The following SRFBP1 variants were observed in gnomAD, a reference collection of about 807,000 sequenced individuals.
The protein encoded by SRFBP1 is serum response factor binding protein 1, also known as serum response factor-binding protein 1.
Under a neutral mutation model 45.5 loss-of-function variants are expected in SRFBP1, and 47 were observed. The ratio of observed to expected loss-of-function variants is 1.03; its 90% CI spans 0.82 to 1.32. The LOEUF (loss-of-function observed/expected upper bound fraction) is 1.32. Among genes scored for constraint, SRFBP1 ranks in the 40% most tolerant of loss-of-function variants. The pLI, the probability that SRFBP1 is intolerant of heterozygous loss-of-function variation, is 0.00. For synonymous variants in SRFBP1, 203 were observed against 166.3 expected, an observed-to-expected ratio of 1.22 and a Z score of -1.70; for missense variants, 621 against 484.6, an observed-to-expected ratio of 1.28 and a Z score of -2.64.
At chr5:122,016,840 A>G (rs946477187) in intron 4 of SRFBP1, among the ~76,000 whole-genome samples, 20 of 152,190 alleles carry the variant, frequency 1.3e-4, no homozygotes, top group African/African-American at 4.1e-4. Flanking sequence ...CATTTCTTGG[A>G]AAAGGTTGAA....
At chr5:122,035,515 T>C (rs1315473192) in intron 2 of SRFBP1, among the ~76,000 whole-genome samples, 3 of 152,172 alleles carry the variant, frequency 2.0e-5, no homozygotes, top group Non-Finnish European at 4.4e-5. Context: ...TCCTAGGAGG[T>C]GCTTGTACTT....
At position 122,024,962 on chromosome 5, in the gene SRFBP1, A is replaced by T. The variant is rs551357773; in HGVS notation, c.1106-1980A>T. On this transcript the variant is annotated intron_variant, in intron 7 of 7. Transcript: ENST00000339397. ...TGTTTTGTTTTGTTTTGTTTTTTTT[A>T]TTTTTATTATTATTACACTTTAAGT... Among the ~76,000 whole-genome samples, 67 of 151,586 alleles carry T rather than the reference A, an allele frequency of 4.4e-4. 2 individuals are homozygous for T. In the South Asian group the frequency reaches 0.012, roughly 27 times the overall value.
downstream of SRFBP1, among the ~76,000 whole-genome samples, chr5:122,031,253 T>C (rs983032393): frequency 6.6e-6 from 1 of 152,154 alleles, no homozygotes; most frequent in Admixed American, 6.6e-5. Context: ...CAGCAAAATA[T>C]AGCAACAACA....
intron 2 of SRFBP1, among the ~76,000 whole-genome samples, chr5:122,038,149 TAAAC>T (rs910809896): frequency 2.6e-5 from 4 of 152,188 alleles, no homozygotes; most frequent in African/African-American, 9.7e-5. Flanking sequence ...GATCATCAAA[TAAAC>T]ATCCGTTTTG....
downstream of SRFBP1, among the ~76,000 whole-genome samples, chr5:122,032,368 ATTGT>A (rs943904567): frequency 8.6e-5 from 13 of 150,834 alleles, no homozygotes; most frequent in Non-Finnish European, 1.0e-4. Flanking sequence ...CCCCTTTCCC[ATTGT>A]TTGTTCTTTC....
At position 121,994,689 on chromosome 5, in the gene SRFBP1, A is replaced by G; in HGVS notation, c.270+19A>G. 6.7e-7 allele frequency: 1 copy of G among 1,483,214 alleles called. No homozygotes were observed. Among genetic ancestry groups the G allele is most frequent in the Non-Finnish European group, 9.2e-7 (1 of 1,092,266 alleles). The allele number at this position is 1,483,214 out of a possible 1,614,324, so 91.9% of individuals were successfully genotyped here. ...CAAAAAGGTATATCTGCAATAGATTATATTTGTCTTATGAAAAGTTTCTCA... is the reference window on the plus strand; with the variant it reads ...CAAAAAGGTATATCTGCAATAGATTGTATTTGTCTTATGAAAAGTTTCTCA... On this transcript the variant is annotated intron_variant, in intron 4 of 7. Transcript: ENST00000339397.
rs1370530186 is a variant in SRFBP1, at chr5:122,020,316, G to C, written c.581G>C (p.Gly194Ala). 3.1e-6 allele frequency: 5 copies of C among 1,613,474 alleles called. No individual in the cohort carries two copies. Among genetic ancestry groups the C allele is most frequent in the Non-Finnish European group, 4.2e-6 (5 of 1,179,862 alleles). Reference protein sequence around the residue: ...SKEKIAKMEHGPKAVTIANSP... With the variant: ...SKEKIAKMEHAPKAVTIANSP... ...GAAAAAATAGCAAAGATGGAACATG[G>C]ACCTAAAGCAGTGACTATTGCAAAT... Residue 194 changes from glycine to alanine, a missense_variant, in exon 6 of 8, where the codon GGA becomes GCA. Coordinates refer to ENST00000339397, the MANE Select transcript of SRFBP1 (RefSeq NM_152546.3).
intron 3 of SRFBP1, among the ~76,000 whole-genome samples, chr5:121,987,508 A>T (rs1160884635): frequency 6.6e-6 from 1 of 152,180 alleles, no homozygotes; most frequent in Non-Finnish European, 1.5e-5. Context: ...TGAAATTCTC[A>T]ACTGTAGAAA....
intron 2 of SRFBP1, among the ~76,000 whole-genome samples, chr5:122,042,318 G>A (rs943313703): frequency 3.0e-4 from 45 of 152,176 alleles, no homozygotes; most frequent in Non-Finnish European, 6.0e-4. Flanking sequence ...ACCCAGGTGA[G>A]TGCTATAACA....
chr5:122,047,075 CT>C (rs1753875037), intron 2 of SRFBP1, among the ~76,000 whole-genome samples: 2 of 152,122 alleles, frequency 1.3e-5, no homozygotes, highest in African/African-American at 2.4e-5. Context: ...TCAATTTTGG[CT>C]TTTGTTGCCA....
intron 3 of SRFBP1, among the ~76,000 whole-genome samples, chr5:121,978,812 C>T (rs1752354586): frequency 6.6e-6 from 1 of 152,050 alleles, no homozygotes; most frequent in Admixed American, 6.5e-5. Context: ...CTTTTTTAAC[C>T]TCTTCCTCTC....
At chr5:122,066,574 T>C (rs1754304509) in intron 2 of SRFBP1, 1 of 522,798 alleles carries the variant, frequency 1.9e-6, no homozygotes, top group Non-Finnish European at 3.5e-6. Flanking sequence ...GACTTAAGCG[T>C]TCAAAATCCA....
At position 122,022,357 on chromosome 5, in the gene SRFBP1, T is replaced by G. The variant is rs1203992095; in HGVS notation, c.1068-13T>G. The G allele has an allele frequency of 6.2e-7, 1 of 1,606,352 alleles. No homozygotes were observed. The highest frequency in any genetic ancestry group is 2.2e-5 in the East Asian group (1 of 44,696). On this transcript the variant is annotated splice_polypyrimidine_tract_variant and intron_variant, in intron 6 of 7. Coordinates refer to ENST00000339397, the MANE Select transcript of SRFBP1 (RefSeq NM_152546.3). ...ATCTTTAAAAAGTCATAATGGTGTT[T>G]TTCTTCTTTTAGAAATTTCAAAGAA... is the stretch of plus-strand genomic sequence containing the variant.
chr5:121,982,291 T>C (rs1460203408), intron 3 of SRFBP1, among the ~76,000 whole-genome samples: 1 of 151,940 alleles, frequency 6.6e-6, no homozygotes, highest in Admixed American at 6.6e-5. Context: ...ATCATAGCGC[T>C]ATTTTAAAAG....
At chr5:122,065,762 T>A (rs1256978342) in intron 2 of SRFBP1, 4 of 152,104 alleles carry the variant, frequency 2.6e-5, no homozygotes, top group Admixed American at 1.3e-4. Flanking sequence ...TCAATTTTTT[T>A]AAGCTATTTG....
At chr5:121,968,358 A>T (rs1457853259) in intron 1 of SRFBP1, among the ~76,000 whole-genome samples, 1 of 152,004 alleles carries the variant, frequency 6.6e-6, no homozygotes, top group African/African-American at 2.4e-5. Flanking sequence ...AGATTTCATT[A>T]TGCTACTCAG....
chr5:122,045,342 T>C (rs146026751), intron 2 of SRFBP1, among the ~76,000 whole-genome samples: 3,612 of 152,332 alleles, frequency 0.024, 146 homozygotes, highest in African/African-American at 0.082. Flanking sequence ...GTTTGGGCTC[T>C]TTTTTGGTTT....
intron 6 of SRFBP1, among the ~76,000 whole-genome samples, chr5:122,021,703 G>T (rs1365402407): frequency 8.2e-6 from 1 of 121,270 alleles, no homozygotes; most frequent in Non-Finnish European, 1.6e-5. Context: ...TTGAGACGGA[G>T]TCTCACTCTA....
At chr5:122,062,903 G>A (rs1754197689) in intron 2 of SRFBP1, among the ~76,000 whole-genome samples, 1 of 151,788 alleles carries the variant, frequency 6.6e-6, no homozygotes, top group Non-Finnish European at 1.5e-5. Context: ...TCTATAGTCA[G>A]ATATATTTCT....
Sources: allele counts gnomAD v4.1 joint callset (sites outside exome capture counted in the v4.1 genomes callset), GRCh38; gene constraint gnomAD v4.1.1; transcripts MANE v1.5; gene names NCBI Gene and HGNC (gene_info 2026-07-23, HGNC 2026-07-21).